The following ADAM12 variants were observed in gnomAD, a reference collection of about 807,000 sequenced individuals.
ADAM12 encodes the protein disintegrin and metalloproteinase domain-containing protein 12.
In ADAM12, 70 loss-of-function variants were observed where a neutral mutation model predicts 106.4. That is an observed-to-expected ratio of 0.66 (90% CI 0.54 to 0.80). ADAM12 has a LOEUF of 0.80. Among genes scored for constraint, ADAM12 ranks in the 30% least tolerant of loss-of-function variants. The pLI is 0.00. For synonymous variants in ADAM12, 420 were observed against 433.5 expected (o/e 0.97, Z 0.39); for missense variants, 1,010 against 1,171.9 (o/e 0.86, Z 2.02).
chr10:126,047,545 G>A (rs1954359916), intron 16 of ADAM12, among the ~76,000 whole-genome samples: 1 of 152,106 alleles, frequency 6.6e-6, no homozygotes, highest in South Asian at 2.1e-4. Context: ...TGAGCCCTTG[G>A]AATTGGAATG....
chr10:126,326,544 C>T (rs1254258381), intron 2 of ADAM12, among the ~76,000 whole-genome samples: 3 of 152,172 alleles, frequency 2.0e-5, no homozygotes, highest in African/African-American at 7.2e-5. Context: ...TGGTGCTGTC[C>T]GTGGTCAGAG....
chr10:126,347,089 C>G (rs532111013), intron 1 of ADAM12, among the ~76,000 whole-genome samples: 1 of 152,106 alleles, frequency 6.6e-6, no homozygotes, highest in African/African-American at 2.4e-5. Flanking sequence ...TTATTTTGCT[C>G]GTTAGTTGAT....
At chr10:126,366,945 G>A (rs1056063154) in intron 1 of ADAM12, among the ~76,000 whole-genome samples, 4 of 152,172 alleles carry the variant, frequency 2.6e-5, no homozygotes, top group Non-Finnish European at 5.9e-5. Context: ...TGACAGAACT[G>A]AAAGTACAAA....
At chr10:126,276,788 G>C (rs890878932) in intron 3 of ADAM12, among the ~76,000 whole-genome samples, 2 of 152,116 alleles carry the variant, frequency 1.3e-5, no homozygotes, top group African/African-American at 4.8e-5. Context: ...TTATAATTTT[G>C]AGATTATCTC....
At chr10:126,121,131 CT>C (rs1481108341) in intron 5 of ADAM12, among the ~76,000 whole-genome samples, 1 of 81,372 alleles carries the variant, frequency 1.2e-5, no homozygotes, top group Non-Finnish European at 2.1e-5. Flanking sequence ...AGTATATATA[CT>C]ATATACTATA....
At chr10:126,036,395 G>C in intron 20 of ADAM12, 70 bp from the exon 21 acceptor site, 1 of 1,502,276 alleles carries the variant, frequency 6.7e-7, no homozygotes, top group Non-Finnish European at 8.9e-7. Context: ...TAAGGAAAAA[G>C]CAGTGCTAAC....
Position 126,043,039 on chromosome 10 carries a change from C to A in ADAM12, c.2104+1G>T, listed in dbSNP as rs1298487933. The stretch of plus-strand genomic sequence containing the variant: ...CACCGGGATGCAGGGGCTTCACTGA[C>A]CTGCTTGCCGGATGGGGCCGCTGTC... On this transcript the variant is annotated splice_donor_variant, in intron 18 of 22. Coordinates refer to ENST00000448723, the MANE Select transcript of ADAM12 (RefSeq NM_001288973.2). LOFTEE classifies it high-confidence loss of function. The surrounding 1 kb of genome is among the most constrained non-coding windows in gnomAD (Gnocchi z 4.1). 1.9e-6 allele frequency: 3 copies of A among 1,613,884 alleles called. No homozygotes were observed. Among genetic ancestry groups the A allele is most frequent in the Non-Finnish European group, 2.5e-6 (3 of 1,179,964 alleles).
At chr10:126,076,269 G>C (rs912665819) in intron 11 of ADAM12, among the ~76,000 whole-genome samples, 2 of 152,214 alleles carry the variant, frequency 1.3e-5, no homozygotes, top group East Asian at 3.9e-4. Context: ...TCGTTCTTTT[G>C]ATGGCTGTGT....
intron 3 of ADAM12, among the ~76,000 whole-genome samples, chr10:126,163,461 G>A (rs186835390): frequency 2.6e-5 from 4 of 152,274 alleles, no homozygotes; most frequent in African/African-American, 9.6e-5. Flanking sequence ...TACCATGTAG[G>A]TAAAGTTCTT....
rs201882679 is a variant in ADAM12 at position 126,049,472 on chromosome 10, A to C, written c.1719-21T>G. 1 of 1,614,150 alleles carries C rather than the reference A, an allele frequency of 6.2e-7. No homozygotes were observed. The highest frequency in any genetic ancestry group is 1.1e-5 in the South Asian group (1 of 91,086). ...CATCTCTGGAAGGGTAAGAACAAAC[A>C]ATTCCCAAGGAGAAACCATTTGGAA... On this transcript the variant is annotated intron_variant, in intron 15 of 22. Coordinates refer to ENST00000448723, the MANE Select transcript of ADAM12 (RefSeq NM_001288973.2). The surrounding 1 kb of genome is among the most constrained non-coding windows in gnomAD (Gnocchi z 4.4).
intron 3 of ADAM12, among the ~76,000 whole-genome samples, chr10:126,176,937 C>T (rs1208767106): frequency 2.6e-5 from 4 of 152,060 alleles, no homozygotes; most frequent in Non-Finnish European, 4.4e-5. Flanking sequence ...GGGCTCCCTT[C>T]ATTTGAAAAA....
chr10:126,339,847 C>CTTATTTT lies in ADAM12; in HGVS notation c.89-9339_89-9338insAAAATAA, dbSNP rs1590801023. On this transcript the variant is annotated intron_variant, in intron 1 of 22. Transcript: ENST00000448723. ...AGTGAAGTGGGAAGCCATTCTAGGG[C>CTTATTTT]TTTTTTTTTTTTTTTTTTTTTTTTT... 1.5e-4 allele frequency among the ~76,000 whole-genome samples: 11 copies of CTTATTTT among 75,680 alleles called. No individual in the cohort carries two copies. The East Asian group carries it at 3.6e-3, about 25-fold the overall frequency. The allele number at this position is 75,680 out of a possible 152,430, so 49.6% of individuals were successfully genotyped here. A position where few individuals can be genotyped will look rare whatever the true frequency, so the allele number is the denominator to read the frequency against.
chr10:126,056,261 G>A (rs1316538482), intron 14 of ADAM12, among the ~76,000 whole-genome samples: 2 of 152,188 alleles, frequency 1.3e-5, no homozygotes, highest in East Asian at 3.8e-4. Context: ...TGGCCAGGAA[G>A]TGATGTCCCT....
At chr10:126,256,526 C>T (rs1021428346) in intron 3 of ADAM12, among the ~76,000 whole-genome samples, 12 of 148,880 alleles carry the variant, frequency 8.1e-5, no homozygotes, top group African/African-American at 3.0e-4. Context: ...GTGTGTCAGA[C>T]TCTGGTCTGG....
At chr10:126,253,847 A>G (rs1958835661) in intron 3 of ADAM12, among the ~76,000 whole-genome samples, 1 of 152,228 alleles carries the variant, frequency 6.6e-6, no homozygotes, top group African/African-American at 2.4e-5. Flanking sequence ...AGAAGCCTCA[A>G]GGATGAGTGA....
At chr10:126,170,712 C>T (rs891112045) in intron 3 of ADAM12, among the ~76,000 whole-genome samples, 3 of 152,182 alleles carry the variant, frequency 2.0e-5, no homozygotes, top group African/African-American at 7.2e-5. Context: ...TCTGAATTCT[C>T]GCTGTTGGGT....
chr10:126,313,572 A>G (rs887355391), intron 2 of ADAM12, among the ~76,000 whole-genome samples: 1 of 152,090 alleles, frequency 6.6e-6, no homozygotes, highest in Non-Finnish European at 1.5e-5. Flanking sequence ...ACACCTCATC[A>G]ACACCACCTG....
intron 22 of ADAM12, among the ~76,000 whole-genome samples, chr10:126,018,503 G>A (rs1953700667): frequency 6.6e-6 from 1 of 152,210 alleles, no homozygotes; most frequent in African/African-American, 2.4e-5. Flanking sequence ...AGAAATAATG[G>A]ATGAGTGCAA....
chr10:126,348,830 C>A (rs968303899), intron 1 of ADAM12, among the ~76,000 whole-genome samples: 2 of 152,098 alleles, frequency 1.3e-5, no homozygotes, highest in Non-Finnish European at 2.9e-5. Flanking sequence ...TTCAGATAGA[C>A]AATGAATAAT....
Sources: allele counts gnomAD v4.1 joint callset (sites outside exome capture counted in the v4.1 genomes callset), GRCh38; gene constraint gnomAD v4.1.1; non-coding constraint Gnocchi (gnomAD v3.1); transcripts MANE v1.5; gene names NCBI Gene and HGNC (gene_info 2026-07-23, HGNC 2026-07-21).